VPS54: variants seen among roughly 807,000 people sequenced by gnomAD.
The protein encoded by VPS54 is VPS54 subunit of GARP complex.
Under a neutral mutation model 121.5 loss-of-function variants are expected in VPS54, and 45 were observed. That is an observed-to-expected ratio of 0.37 (90% CI 0.29 to 0.47). The LOEUF (loss-of-function observed/expected upper bound fraction) is 0.47, where lower values mean the gene tolerates loss of function less well. Ranked by LOEUF, VPS54 falls within the 20% of genes least tolerant of loss-of-function variation. VPS54 has a pLI of 0.99. For synonymous variants in VPS54, 371 were observed against 385.8 expected, an observed-to-expected ratio of 0.96 and a Z score of 0.45; for missense variants, 1,090 against 1,131.4, an observed-to-expected ratio of 0.96 and a Z score of 0.52.
At chr2:64,002,615 A>G (rs759564437) in intron 1 of VPS54, among the ~76,000 whole-genome samples, 2 of 152,230 alleles carry the variant, frequency 1.3e-5, no homozygotes, top group Non-Finnish European at 2.9e-5. Flanking sequence ...CCTAAGTGCC[A>G]TTTTAGAAAC....
chr2:63,987,433 G>A (rs568187554), intron 1 of VPS54, among the ~76,000 whole-genome samples: 19 of 152,112 alleles, frequency 1.2e-4, no homozygotes, highest in African/African-American at 3.9e-4. Flanking sequence ...ATGCCAATAC[G>A]TTGTATAATT....
intron 6 of VPS54, 76 bp from the exon 7 acceptor site, chr2:63,962,519 G>A (rs1355720435): frequency 7.6e-6 from 11 of 1,452,620 alleles, no homozygotes; most frequent in Non-Finnish European, 1.0e-5. Context: ...TTATGACAAT[G>A]ATAAAAGATT....
At chr2:63,974,573 T>C (rs1211067810) in intron 3 of VPS54, among the ~76,000 whole-genome samples, 1 of 152,222 alleles carries the variant, frequency 6.6e-6, no homozygotes, top group Non-Finnish European at 1.5e-5. Context: ...TATCCACATA[T>C]ATGAAATATC....
intron 7 of VPS54, among the ~76,000 whole-genome samples, chr2:63,957,048 TTTAG>T (rs1174930369): frequency 1.4e-4 from 21 of 152,154 alleles, no homozygotes; most frequent in Non-Finnish European, 2.8e-4. Flanking sequence ...CAGCAATACT[TTTAG>T]TTAAATTAGT....
chr2:63,921,122 G>A, intron 13 of VPS54, 84 bp downstream of exon 13: 2 of 1,411,152 alleles, frequency 1.4e-6, no homozygotes, highest in Non-Finnish European at 9.5e-7. Context: ...TATGCATTAT[G>A]GGGAACACAG....
intron 11 of VPS54, among the ~76,000 whole-genome samples, chr2:63,939,451 T>C (rs185107783): frequency 4.9e-4 from 74 of 152,150 alleles, no homozygotes; most frequent in African/African-American, 1.8e-3. Context: ...GAGAAATAAA[T>C]GCAACAATGT....
rs9309357 is a variant in VPS54 at position 63,938,059 on chromosome 2, G to GTGTGTGT, written c.1399-4047_1399-4046insACACACA. 8.8e-3 allele frequency among the ~76,000 whole-genome samples: 1,230 copies of GTGTGTGT among 140,446 alleles called. 26 individuals carry two copies. The highest frequency in any genetic ancestry group is 0.031 in the African/African-American group (1,124 of 36,102). The allele number at this position is 140,446 out of a possible 152,430, so 92.1% of individuals were successfully genotyped here. A position where few individuals can be genotyped will look rare whatever the true frequency, so the allele number is the denominator to read the frequency against. On this transcript the variant is annotated intron_variant, in intron 11 of 22. Coordinates refer to ENST00000272322, the MANE Select transcript of VPS54 (RefSeq NM_016516.3). ...AAACGTGTGTGTGTGTGGTGTGTGT[G>GTGTGTGT]GTGTGTGTGTGTGTGTGTGTGTGTG...
intron 1 of VPS54, among the ~76,000 whole-genome samples, chr2:63,990,987 A>G (rs1285962152): frequency 6.6e-6 from 1 of 152,202 alleles, no homozygotes; most frequent in Non-Finnish European, 1.5e-5. Flanking sequence ...TAAAGCATTT[A>G]CAATTTCGTA....
intron 20 of VPS54, 134 bp downstream of exon 20, chr2:63,912,211 A>G: frequency 2.1e-6 from 2 of 938,366 alleles, no homozygotes; most frequent in South Asian, 3.8e-5. Flanking sequence ...AAAAAATTTA[A>G]AATTCTACTA....
At chr2:63,930,633 T>A (rs892654027) in intron 12 of VPS54, among the ~76,000 whole-genome samples, 4 of 152,152 alleles carry the variant, frequency 2.6e-5, no homozygotes, top group African/African-American at 9.7e-5. Flanking sequence ...TCACCACTCC[T>A]ATTCAATATA....
intron 20 of VPS54, among the ~76,000 whole-genome samples, chr2:63,909,725 G>GGTTTTGTTTTTTT: frequency 8.7e-6 from 1 of 115,284 alleles, no homozygotes; most frequent in Admixed American, 8.9e-5. Flanking sequence ...GCCGTTTTTG[G>GGTTTTGTTTTTTT]TTTTTTTTTT....
At chr2:63,972,730 T>C (rs998607155) in intron 3 of VPS54, among the ~76,000 whole-genome samples, 8 of 151,774 alleles carry the variant, frequency 5.3e-5, no homozygotes, top group African/African-American at 1.7e-4. Flanking sequence ...TACCAAAAAT[T>C]AGCCAGGAGT....
intron 7 of VPS54, among the ~76,000 whole-genome samples, chr2:63,951,623 G>A (rs1675248516): frequency 6.6e-6 from 1 of 152,080 alleles, no homozygotes; most frequent in Non-Finnish European, 1.5e-5. Flanking sequence ...TACAGTCTGT[G>A]TGCAAGTTTG....
In VPS54 at chr2:63,999,093, T is replaced by C. The variant is rs540639940; in HGVS notation, c.-20-15074A>G. On this transcript the variant is annotated intron_variant, in intron 1 of 22. Coordinates refer to ENST00000272322, the MANE Select transcript of VPS54 (RefSeq NM_016516.3). ...TCCTGAGTAGCTGGGATTACAGGCA[T>C]GGACTATCTATCATGCCTGGCTAAT... 1.7e-3 allele frequency among the ~76,000 whole-genome samples: 259 copies of C among 152,190 alleles called. 1 individual carries two copies. Among genetic ancestry groups the C allele is most frequent in the Non-Finnish European group, 3.2e-3 (218 of 67,992 alleles).
At position 63,983,863 on chromosome 2, in the gene VPS54, C is replaced by A; in HGVS notation, c.136+1G>T. The A allele has an allele frequency of 6.3e-7, 1 of 1,589,928 alleles. No homozygotes were observed. The highest frequency in any genetic ancestry group is 8.5e-7 in the Non-Finnish European group (1 of 1,170,164). On this transcript the variant is annotated splice_donor_variant, in intron 2 of 22. Transcript: ENST00000272322. LOFTEE classifies it high-confidence loss of function. ...AATCCTACAAAAAAAAAAAGCATTACCTGTGGGTTCCTTGGGACACACATC... is the reference window on the plus strand; with the variant it reads ...AATCCTACAAAAAAAAAAAGCATTAACTGTGGGTTCCTTGGGACACACATC...
At chr2:63,970,313 A>ATATAT (rs1312969372) in intron 4 of VPS54, among the ~76,000 whole-genome samples, 19 of 148,142 alleles carry the variant, frequency 1.3e-4, no homozygotes, top group South Asian at 2.1e-4. Context: ...AGATATAGAT[A>ATATAT]AAACCCAGGC....
At chr2:63,917,949 T>C (rs1050966862) in intron 15 of VPS54, among the ~76,000 whole-genome samples, 4 of 152,008 alleles carry the variant, frequency 2.6e-5, no homozygotes, top group Non-Finnish European at 4.4e-5. Context: ...AGATAACACA[T>C]GTAAAATACT....
At chr2:64,015,185 CAT>C (rs1005998835) in intron 1 of VPS54, among the ~76,000 whole-genome samples, 1 of 151,732 alleles carries the variant, frequency 6.6e-6, no homozygotes. Flanking sequence ...ATTTCAAAAA[CAT>C]ATGCAAAAAT....
At position 63,902,690 on chromosome 2, in the gene VPS54, C is replaced by T. The variant is rs76950059; in HGVS notation, c.2626-3109G>A. 3.3e-3 allele frequency among the ~76,000 whole-genome samples: 508 copies of T among 152,278 alleles called. 5 individuals carry two copies. The highest frequency in any genetic ancestry group is 0.012 in the African/African-American group (486 of 41,562). The stretch of plus-strand genomic sequence containing the variant: ...GAGATATAAAAATAACTGATTAGGC[C>T]GGGCACAGTGGCTCAAGCCTGTATT... On this transcript the variant is annotated intron_variant, in intron 20 of 22. Coordinates refer to ENST00000272322, the MANE Select transcript of VPS54 (RefSeq NM_016516.3).
Sources: allele counts gnomAD v4.1 joint callset (sites outside exome capture counted in the v4.1 genomes callset), GRCh38; gene constraint gnomAD v4.1.1; transcripts MANE v1.5; gene names NCBI Gene and HGNC (gene_info 2026-07-23, HGNC 2026-07-21).